Variants in SNX18 observed in about 807,000 individuals in gnomAD.
The protein encoded by SNX18 is sorting nexin-18.
In SNX18, 35 loss-of-function variants were observed where a neutral mutation model predicts 48.7. The observed-to-expected ratio is 0.72, with a 90% CI of 0.55 to 0.95. SNX18 has a LOEUF of 0.95. Among genes scored for constraint, SNX18 ranks in the 40% least tolerant of loss-of-function variants. The pLI is 0.00. For missense variants in SNX18, 824 were observed against 871.0 expected (o/e 0.95, Z 0.68); for synonymous variants, 492 against 384.7 (o/e 1.28, Z -3.26).
intron 1 of SNX18, among the ~76,000 whole-genome samples, chr5:54,527,535 A>T (rs906238111): frequency 1.3e-5 from 2 of 152,206 alleles, no homozygotes; most frequent in African/African-American, 4.8e-5. Context: ...GGTGGGGAGC[A>T]GCAATCAGGA....
the SNX18 span, among the ~76,000 whole-genome samples, chr5:54,587,851 C>T: frequency 5.9e-5 from 9 of 152,140 alleles, no homozygotes; most frequent in African/African-American, 1.7e-4. Flanking sequence ...GGCACGTGGC[C>T]ATCAAGGATA....
At chr5:54,562,891 G>T in the SNX18 span, among the ~76,000 whole-genome samples, 1 of 152,204 alleles carries the variant, frequency 6.6e-6, no homozygotes, top group Admixed American at 6.5e-5. Context: ...GGGGCAAGAT[G>T]TGGAGGTGGA....
Position 54,518,461 on chromosome 5 carries a change from C to T in SNX18, c.509C>T (p.Ala170Val). ...TCCACGGTGGCGGACGAGCCGGGCG[C>T]TCTGGGCAGCGGAGCATACCCGGAC... The part of the protein sequence containing the change: ...DSSTVADEPG[A>V]LGSGAYPDLD... The change falls in exon 1 of 2, where the codon GCT becomes GTT. Residue 170 changes from alanine to valine, a missense_variant. Ala to Val is a moderately conservative substitution (Grantham distance 64). Transcript: ENST00000381410. 1.3e-6 allele frequency: 2 copies of T among 1,571,142 alleles called. No individual in the cohort carries two copies. The highest frequency in any genetic ancestry group is 1.7e-6 in the Non-Finnish European group (2 of 1,159,074).
At chr5:54,576,677 C>A in the SNX18 span, among the ~76,000 whole-genome samples, 148 of 152,322 alleles carry the variant, frequency 9.7e-4, no homozygotes, top group African/African-American at 3.5e-3. Flanking sequence ...AACTTCAAGG[C>A]ATGGCTGAAT....
intron 1 of SNX18, chr5:54,519,824 A>T: frequency 6.2e-7 from 1 of 1,602,626 alleles, no homozygotes; most frequent in East Asian, 2.2e-5. Flanking sequence ...CTTTGATGAC[A>T]GTGCTATCAT....
the SNX18 span, among the ~76,000 whole-genome samples, chr5:54,575,922 A>C: frequency 3.3e-5 from 5 of 152,166 alleles, no homozygotes; most frequent in African/African-American, 1.2e-4. Flanking sequence ...TCATAAACTT[A>C]TCATTTCTTT....
intron 1 of SNX18, among the ~76,000 whole-genome samples, chr5:54,536,273 C>T (rs1257305236): frequency 6.6e-6 from 1 of 152,014 alleles, no homozygotes; most frequent in East Asian, 1.9e-4. Flanking sequence ...GGTACATGTG[C>T]ACAGCGTGCA....
the SNX18 span, among the ~76,000 whole-genome samples, chr5:54,623,390 A>T: frequency 6.6e-6 from 1 of 152,148 alleles, no homozygotes; most frequent in Non-Finnish European, 1.5e-5. Context: ...TCAAGAGCTC[A>T]ATGGCAGGAG....
the SNX18 span, among the ~76,000 whole-genome samples, chr5:54,639,277 G>T: frequency 6.6e-6 from 1 of 151,892 alleles, no homozygotes; most frequent in African/African-American, 2.4e-5. Context: ...TTTTGAAGGT[G>T]TATCATGTTT....
chr5:54,580,682 T>G, the SNX18 span, among the ~76,000 whole-genome samples: 5 of 152,192 alleles, frequency 3.3e-5, no homozygotes, highest in African/African-American at 1.2e-4. Context: ...CTCCTTTTCA[T>G]TTTCTCCTGA....
At chr5:54,575,159 T>TGTGCCTTGGGAGTCCTGAC in the SNX18 span, among the ~76,000 whole-genome samples, 1 of 152,064 alleles carries the variant, frequency 6.6e-6, no homozygotes, top group African/African-American at 2.4e-5. Flanking sequence ...TACAGGGACA[T>TGTGCCTTGGGAGTCCTGAC]GTGCCTTGGG....
chr5:54,521,735 CTTTA>C (rs1290775698), intron 1 of SNX18, among the ~76,000 whole-genome samples: 2 of 152,150 alleles, frequency 1.3e-5, no homozygotes, highest in African/African-American at 2.4e-5. Flanking sequence ...TTATTTACTT[CTTTA>C]TTTATTTTGT....
chr5:54,525,402 G>A (rs1762112737), intron 1 of SNX18, among the ~76,000 whole-genome samples: 1 of 151,528 alleles, frequency 6.6e-6, no homozygotes, highest in Non-Finnish European at 1.5e-5. Context: ...AATTAAGGGC[G>A]CTCTCCTTTG....
chr5:54,594,818 C>T, the SNX18 span, among the ~76,000 whole-genome samples: 1 of 152,218 alleles, frequency 6.6e-6, no homozygotes, highest in East Asian at 1.9e-4. Flanking sequence ...TAACTCTCAC[C>T]CTTCTCCCTC....
In SNX18 at chr5:54,543,161, T is replaced by C. The variant is rs749459344; in HGVS notation, c.1622-18T>C. The stretch of plus-strand genomic sequence containing the variant: ...GTGGATATATAGGTTTTTAATTAAT[T>C]GTTATTTTTAACTACAGGAGCTCTT... On this transcript the variant is annotated intron_variant, in intron 1 of 1. Transcript: ENST00000381410. 6.2e-7 allele frequency: 1 copy of C among 1,601,774 alleles called. No individual in the cohort carries two copies. Among genetic ancestry groups the C allele is most frequent in the Non-Finnish European group, 8.5e-7 (1 of 1,174,142 alleles).
chr5:54,536,169 A>C (rs902216800), intron 1 of SNX18, among the ~76,000 whole-genome samples: 1 of 152,108 alleles, frequency 6.6e-6, no homozygotes, highest in Non-Finnish European at 1.5e-5. Context: ...GTATCACTGT[A>C]TTGGGATGTG....
chr5:54,623,272 G>C, the SNX18 span, among the ~76,000 whole-genome samples: 1 of 152,182 alleles, frequency 6.6e-6, no homozygotes, highest in Non-Finnish European at 1.5e-5. Flanking sequence ...AGTTCAATTA[G>C]AGCTTTCAGG....
the SNX18 span, among the ~76,000 whole-genome samples, chr5:54,647,267 C>A: frequency 0.86 from 131,525 of 152,232 alleles, 57,110 homozygotes; most frequent in East Asian, 0.91. Flanking sequence ...GGAAAAAGAT[C>A]GTATTGCCCT....
chr5:54,540,145 T>C (rs16883003), intron 1 of SNX18, among the ~76,000 whole-genome samples: 2,447 of 152,312 alleles, frequency 0.016, 70 homozygotes, highest in African/African-American at 0.056. Context: ...TTAATACTTA[T>C]TGCTGTATCT....
Sources: allele counts gnomAD v4.1 joint callset (sites outside exome capture counted in the v4.1 genomes callset), GRCh38; gene constraint gnomAD v4.1.1; transcripts MANE v1.5; gene names NCBI Gene and HGNC (gene_info 2026-07-23, HGNC 2026-07-21).